DMBT1: variants seen among roughly 807,000 people sequenced by gnomAD.
DMBT1 encodes deleted in malignant brain tumors 1, also known as scavenger receptor cysteine-rich domain-containing protein DMBT1.
DMBT1 carries 198 observed loss-of-function variants against 252.9 expected under a neutral mutation model. That is an observed-to-expected ratio of 0.78 (90% CI 0.70 to 0.88). The LOEUF is 0.88. DMBT1 is among the 40% of genes least tolerant of loss of function. DMBT1 has a pLI of 0.00. For missense variants in DMBT1, 2,432 were observed against 2,404.7 expected, an observed-to-expected ratio of 1.01 and a Z score of -0.24; for synonymous variants, 990 against 942.7, an observed-to-expected ratio of 1.05 and a Z score of -0.92.
chr10:122,592,697 T>A (rs2097859163), intron 20 of DMBT1, 102 bp downstream of exon 20: 4 of 1,531,502 alleles, frequency 2.6e-6, no homozygotes, highest in Non-Finnish European at 3.5e-6. Context: ...TTCTTCTATG[T>A]TTCCTATATT....
chr10:122,642,589 A>G (rs1209188550), intron 55 of DMBT1, among the ~76,000 whole-genome samples: 1 of 152,112 alleles, frequency 6.6e-6, no homozygotes, highest in African/African-American at 2.4e-5. Flanking sequence ...TGTGGAACGT[A>G]CAGCTGCATG....
chr10:122,625,842 GA>G, intron 45 of DMBT1, 90 bp from the exon 46 acceptor site: 1 of 1,106,956 alleles, frequency 9.0e-7, no homozygotes, highest in East Asian at 2.3e-5. Context: ...CTGTACTAAG[GA>G]AAAGGATTTA....
At chr10:122,593,317 T>A (rs541711249) in intron 20 of DMBT1, among the ~76,000 whole-genome samples, 1 of 148,352 alleles carries the variant, frequency 6.7e-6, no homozygotes. Context: ...GGGAGTGGGT[T>A]GGTTTAGGTC....
At chr10:122,578,841 C>T (rs1040113264) in intron 9 of DMBT1, 82 bp downstream of exon 9, 16 of 1,383,892 alleles carry the variant, frequency 1.2e-5, no homozygotes, top group Non-Finnish European at 1.6e-5. Context: ...CTTATGATTG[C>T]CATAAAGAGA....
At chr10:122,569,311 T>C (rs1302515466) in intron 2 of DMBT1, among the ~76,000 whole-genome samples, 1 of 152,222 alleles carries the variant, frequency 6.6e-6, no homozygotes, top group Non-Finnish European at 1.5e-5. Context: ...CATAAATGTA[T>C]ACCAACATCA....
rs778438837 is a variant in DMBT1 at position 122,577,796 on chromosome 10, A to T, written c.608-15A>T. Reference sequence around the variant, plus strand: ...TGAGTGTTTGGTGTCTAATGTTGCTATTTTTTTCTCACAGCTGCCCAGCCT... The same window carrying T: ...TGAGTGTTTGGTGTCTAATGTTGCTTTTTTTTTCTCACAGCTGCCCAGCCT... On this transcript the variant is annotated splice_polypyrimidine_tract_variant and intron_variant, in intron 7 of 55. Transcript: ENST00000338354. The T allele has an allele frequency of 1.2e-6, 2 of 1,613,252 alleles. No homozygotes were observed. Among genetic ancestry groups the T allele is most frequent in the Non-Finnish European group, 1.7e-6 (2 of 1,179,594 alleles).
chr10:122,577,450 C>T (rs959314724), intron 7 of DMBT1, among the ~76,000 whole-genome samples: 20 of 152,166 alleles, frequency 1.3e-4, no homozygotes, highest in African/African-American at 4.6e-4. Flanking sequence ...CAGGAATCCA[C>T]GTCAAACCTC....
Position 122,598,879 on chromosome 10 carries a change from G to T in DMBT1, c.3062G>T (p.Ser1021Ile), listed in dbSNP as rs759664729. The T allele has an allele frequency of 2.5e-6, 4 of 1,613,850 alleles. No homozygotes were observed. In the South Asian group the frequency reaches 4.4e-5, roughly 18 times the overall value. ...TCCTGGGGCACCGTGTGCGATGACA[G>T]CTGGGACACCAATGATGCCAATGTC... ...QGSWGTVCDDSWDTNDANVVC... is the reference protein window; with the variant it reads ...QGSWGTVCDDIWDTNDANVVC... Residue 1021 changes from serine (S) to isoleucine (I), a missense_variant, in exon 26 of 56, where the codon AGC (serine) becomes ATC (isoleucine). Ser to Ile is a moderately radical substitution (Grantham distance 142). Around this residue, in one of 3 missense-constraint regions of DMBT1, gnomAD observed 1,264 missense variants for 1,082.2 expected, o/e 1.17. Transcript: ENST00000338354.
In DMBT1 at chr10:122,576,395, C is replaced by A; in HGVS notation, c.284-4C>A. The A allele has an allele frequency of 5.6e-6, 9 of 1,613,368 alleles. No individual in the cohort carries two copies. The highest frequency in any genetic ancestry group is 6.8e-6 in the Non-Finnish European group (8 of 1,179,532). On this transcript the variant is annotated splice_region_variant and splice_polypyrimidine_tract_variant and intron_variant, in intron 6 of 55. Transcript: ENST00000338354. ...TGCAAGAGAAATTCTGTGCCTTCCT[C>A]TAGGATCTGATTCTGGTTTGGCCCT...
Position 122,643,418 on chromosome 10 carries a change from A to C in DMBT1, c.*20A>C. On this transcript the variant is annotated 3_prime_UTR_variant, in exon 56 of 56. Coordinates refer to ENST00000338354, the MANE Select transcript of DMBT1 (RefSeq NM_001377530.1). The stretch of plus-strand genomic sequence containing the variant: ...CGGTAGGTGGTCGCTCTCAGACCCC[A>C]CTGTCCACCGGGGCGCAGACCCCTG... 6.2e-7 allele frequency: 1 copy of C among 1,601,054 alleles called. No homozygotes were observed.
chr10:122,618,517 T>C (rs895901570), intron 41 of DMBT1, among the ~76,000 whole-genome samples, 177 bp downstream of exon 41: 1 of 152,230 alleles, frequency 6.6e-6, no homozygotes, highest in African/African-American at 2.4e-5. Flanking sequence ...CTGGTGCAGC[T>C]GTGGCCACTT....
intron 10 of DMBT1, 88 bp downstream of exon 10, chr10:122,579,989 A>G (rs2097753752): frequency 3.1e-6 from 5 of 1,592,530 alleles, no homozygotes; most frequent in Non-Finnish European, 4.3e-6. Flanking sequence ...TCCTCACTCA[A>G]AGCTTCTATG....
intron 2 of DMBT1, among the ~76,000 whole-genome samples, chr10:122,569,701 G>A (rs2981786): frequency 0.69 from 104,575 of 152,124 alleles, 36,150 homozygotes; most frequent in East Asian, 0.77. Context: ...CCTCCATGCA[G>A]CCACTTTGTG....
Position 122,618,108 on chromosome 10 carries a change from C to T in DMBT1, c.4983C>T (p.Thr1661=), listed in dbSNP as rs778717555. The change falls in exon 41 of 56, where the codon ACC becomes ACT. Residue 1661 remains threonine (T), a synonymous_variant. Transcript: ENST00000338354. ...VEVLYQGSWG[T]VCDDYWDTND... ...TCCTATACCAAGGCTCCTGGGGCAC[C>T]GTGTGTGATGACTACTGGGACACCA... The T allele has an allele frequency of 7.6e-5, 123 of 1,613,864 alleles. No individual in the cohort carries two copies. The highest frequency in any genetic ancestry group is 1.7e-4 in the Middle Eastern group (1 of 6,052).
intron 14 of DMBT1, 86 bp downstream of exon 14, chr10:122,584,437 C>T (rs1280419820): frequency 4.7e-6 from 1 of 214,820 alleles, no homozygotes; most frequent in East Asian, 7.9e-5. Flanking sequence ...CCTCGTTCTT[C>T]TCTGAGTGAA....
At chr10:122,597,098 G>C (rs2097888997) in intron 24 of DMBT1, 44 bp downstream of exon 24, 1 of 451,004 alleles carries the variant, frequency 2.2e-6, no homozygotes, top group Admixed American at 3.8e-5. Context: ...TTCTCTTTCT[G>C]TATAATTATC....
chr10:122,590,722 T>C lies in DMBT1; in HGVS notation c.2137+28T>C. 1.3e-6 allele frequency: 2 copies of C among 1,583,596 alleles called. 1 individual carries two copies. Among genetic ancestry groups the C allele is most frequent in the Non-Finnish European group, 1.7e-6 (2 of 1,161,784 alleles). On this transcript the variant is annotated intron_variant, in intron 18 of 55. Coordinates refer to ENST00000338354, the MANE Select transcript of DMBT1 (RefSeq NM_001377530.1). Reference sequence around the variant, plus strand: ...GAGTCCCCAGTGTCCTTCCTTGGGATGTCCCTTTTCTTTCTGCACAATTAT... The same window carrying C: ...GAGTCCCCAGTGTCCTTCCTTGGGACGTCCCTTTTCTTTCTGCACAATTAT...
rs1844881492 is a variant in DMBT1 at position 122,643,199 on chromosome 10, A to G, written c.7430A>G (p.His2477Arg). Residue 2477 changes from histidine to arginine, a missense_variant, in exon 56 of 56, where the codon CAC becomes CGC. His to Arg is a conservative substitution (Grantham distance 29). Coordinates refer to ENST00000338354, the MANE Select transcript of DMBT1 (RefSeq NM_001377530.1). ...RIARFRFRAFHFLNRFPSVYL... is the reference protein window; with the variant it reads ...RIARFRFRAFRFLNRFPSVYL... ...GCCCGCTTCCGGTTCAGGGCCTTCC[A>G]CTTCCTGAACCGCTTCCCCTCCGTG... 2.5e-6 allele frequency: 4 copies of G among 1,613,778 alleles called. No individual in the cohort carries two copies. The highest frequency in any genetic ancestry group is 3.4e-6 in the Non-Finnish European group (4 of 1,179,834).
At chr10:122,570,968 C>T in intron 4 of DMBT1, 31 bp downstream of exon 4, 1 of 1,605,306 alleles carries the variant, frequency 6.2e-7, no homozygotes, top group Non-Finnish European at 8.5e-7. Flanking sequence ...TCCCTGTGGG[C>T]TCATTACCCC....
Sources: gnomAD v4.1 joint callset for allele counts (sites outside exome capture counted in the v4.1 genomes callset) on GRCh38, gnomAD v4.1.1 for gene constraint, gnomAD v4.1.1 regional missense constraint, MANE v1.5 for transcripts, NCBI Gene and HGNC (gene_info 2026-07-23, HGNC 2026-07-21) for gene names.